Variants in ESRRG observed in about 807,000 individuals in gnomAD.
The protein encoded by ESRRG is estrogen-related receptor gamma.
A neutral mutation model predicts 44.0 loss-of-function variants in ESRRG; 13 were observed. That is an observed-to-expected ratio of 0.30 (90% confidence interval 0.19 to 0.47). The LOEUF is 0.47. Among genes scored for constraint, ESRRG ranks in the 20% least tolerant of loss-of-function variants. The pLI is 1.00. For missense variants in ESRRG, 395 were observed against 580.6 expected (o/e 0.68, Z 3.29); for synonymous variants, 215 against 214.6 (o/e 1.00, Z -0.02).
chr1:216,861,529 A>C (rs1027951841), intron 2 of ESRRG, among the ~76,000 whole-genome samples: 1 of 152,076 alleles, frequency 6.6e-6, no homozygotes, highest in Non-Finnish European at 1.5e-5. Context: ...AGCAAAAAAA[A>C]TTTTAACAGT....
chr1:217,114,505 A>T (rs970100565), intron 1 of ESRRG, among the ~76,000 whole-genome samples: 1 of 152,066 alleles, frequency 6.6e-6, no homozygotes, highest in Non-Finnish European at 1.5e-5. Flanking sequence ...AATCAATTTG[A>T]GGTGCTTCTT....
intron 1 of ESRRG, among the ~76,000 whole-genome samples, chr1:216,971,443 G>A (rs905846704): frequency 2.6e-5 from 4 of 152,136 alleles, no homozygotes; most frequent in East Asian, 1.9e-4. Context: ...CATTGGGCAC[G>A]GGCCATTCCA....
intron 5 of ESRRG, among the ~76,000 whole-genome samples, chr1:216,531,714 T>C (rs1338152555): frequency 6.6e-6 from 1 of 152,118 alleles, no homozygotes; most frequent in Non-Finnish European, 1.5e-5. Context: ...GTGCCTCTTA[T>C]AATAATTCTT....
chr1:216,976,215 ACT>A (rs1190286707), intron 1 of ESRRG, among the ~76,000 whole-genome samples: 1 of 151,712 alleles, frequency 6.6e-6, no homozygotes, highest in African/African-American at 2.4e-5. Context: ...CACTCTAATA[ACT>A]CTAAATGAGT....
At chr1:216,622,192 T>C (rs532055475) in intron 3 of ESRRG, among the ~76,000 whole-genome samples, 4 of 152,330 alleles carry the variant, frequency 2.6e-5, no homozygotes, top group African/African-American at 4.8e-5. Flanking sequence ...ATGAAAGTTA[T>C]CCTTCTGAGG....
intron 2 of ESRRG, among the ~76,000 whole-genome samples, chr1:216,730,318 A>AAG (rs1162622205): frequency 4.0e-5 from 6 of 151,298 alleles, no homozygotes; most frequent in Non-Finnish European, 8.9e-5. Context: ...AAAAAAAAAA[A>AAG]AAAAGAAAGA....
At position 216,780,124 on chromosome 1, in the gene ESRRG, A is replaced by T. The variant is rs193301916; in HGVS notation, c.-13-102633T>A. ...ATGTCAAGAGGGCTCATGCAAAGAA[A>T]TTGTGGCTCATGTGCCATAGCCAAT... On this transcript the variant is annotated intron_variant, in intron 2 of 7. Coordinates refer to the ESRRG transcript ENST00000359162. 9.1e-4 allele frequency among the ~76,000 whole-genome samples: 139 copies of T among 152,148 alleles called. 1 individual carries two copies. Among genetic ancestry groups the T allele is most frequent in the African/African-American group, 3.2e-3 (133 of 41,540 alleles).
chr1:216,920,747 C>G (rs2061735583), intron 2 of ESRRG, among the ~76,000 whole-genome samples: 1 of 152,154 alleles, frequency 6.6e-6, no homozygotes, highest in African/African-American at 2.4e-5. Flanking sequence ...TATGATCCAG[C>G]AGATAACTGA....
intron 3 of ESRRG, among the ~76,000 whole-genome samples, chr1:216,641,585 T>C (rs1360395088): frequency 6.6e-6 from 1 of 152,210 alleles, no homozygotes; most frequent in Non-Finnish European, 1.5e-5. Flanking sequence ...GTTCTGATAG[T>C]TCATTTTCTA....
intron 2 of ESRRG, among the ~76,000 whole-genome samples, chr1:216,898,472 G>T (rs1476313313): frequency 6.6e-6 from 1 of 152,048 alleles, no homozygotes; most frequent in East Asian, 1.9e-4. Context: ...ACAAAAATTA[G>T]CTGGGCGTGG....
intron 2 of ESRRG, among the ~76,000 whole-genome samples, chr1:216,927,801 G>A (rs1345497778): frequency 1.3e-5 from 2 of 152,204 alleles, no homozygotes; most frequent in Non-Finnish European, 2.9e-5. Context: ...AGCTTTGCAT[G>A]GGATATGACG....
At chr1:217,035,964 G>T (rs1206577658) in intron 1 of ESRRG, among the ~76,000 whole-genome samples, 6 of 152,110 alleles carry the variant, frequency 3.9e-5, no homozygotes, top group African/African-American at 1.4e-4. Context: ...AAATTTACAA[G>T]AAGAAAAAAC....
upstream of ESRRG, among the ~76,000 whole-genome samples, chr1:216,727,587 C>T (rs936469777): frequency 1.3e-5 from 2 of 152,102 alleles, no homozygotes; most frequent in Non-Finnish European, 2.9e-5. Context: ...GACTACTTTA[C>T]ACTATATTAC....
At chr1:216,690,111 C>T (rs1462953045) in intron 1 of ESRRG, among the ~76,000 whole-genome samples, 1 of 152,072 alleles carries the variant, frequency 6.6e-6, no homozygotes. Context: ...ATATTCACTA[C>T]AAGTGAAAAC....
intron 3 of ESRRG, among the ~76,000 whole-genome samples, chr1:216,618,375 T>A (rs1408580858): frequency 6.6e-6 from 1 of 152,092 alleles, no homozygotes; most frequent in Non-Finnish European, 1.5e-5. Flanking sequence ...GAATCAGGGG[T>A]TCAATCTATG....
chr1:216,531,441 A>G (rs1318228701), intron 5 of ESRRG, among the ~76,000 whole-genome samples: 1 of 152,078 alleles, frequency 6.6e-6, no homozygotes, highest in Non-Finnish European at 1.5e-5. Flanking sequence ...ATGGCTTGGC[A>G]TACGTTCCAC....
At chr1:216,974,032 C>A (rs2072331639) in intron 1 of ESRRG, among the ~76,000 whole-genome samples, 1 of 151,970 alleles carries the variant, frequency 6.6e-6, no homozygotes, top group Non-Finnish European at 1.5e-5. Context: ...AGTCACAAAC[C>A]CCGGTGTAAC....
intron 3 of ESRRG, among the ~76,000 whole-genome samples, chr1:216,573,976 G>A (rs1390644558): frequency 6.6e-6 from 1 of 151,946 alleles, no homozygotes; most frequent in Non-Finnish European, 1.5e-5. Context: ...TTCTACTAAA[G>A]GTGGCAAAGC....
At chr1:216,916,682 T>G (rs545739021) in intron 2 of ESRRG, among the ~76,000 whole-genome samples, 1 of 152,098 alleles carries the variant, frequency 6.6e-6, no homozygotes, top group African/African-American at 2.4e-5. Context: ...AATTCATTCA[T>G]GTCAGATGTA....
Sources: gnomAD v4.1 joint callset for allele counts (sites outside exome capture counted in the v4.1 genomes callset) on GRCh38, gnomAD v4.1.1 for gene constraint, MANE v1.5 for transcripts, NCBI Gene and HGNC (gene_info 2026-07-23, HGNC 2026-07-21) for gene names.